Variants in MACROD2 observed in about 807,000 individuals in gnomAD.
MACROD2 encodes the protein ADP-ribose glycohydrolase MACROD2.
A neutral mutation model predicts 70.4 loss-of-function variants in MACROD2; 36 were observed. That is an observed-to-expected ratio of 0.51 (90% CI 0.39 to 0.68). The LOEUF is 0.68. Ranked by LOEUF, MACROD2 falls within the 30% of genes least tolerant of loss-of-function variation. MACROD2 has a pLI of 0.00. For synonymous variants in MACROD2, 172 were observed against 178.8 expected (o/e 0.96, Z 0.30); for missense variants, 496 against 538.4 (o/e 0.92, Z 0.78).
At chr20:15,031,420 A>G (rs952571183) in intron 5 of MACROD2, among the ~76,000 whole-genome samples, 1 of 152,168 alleles carries the variant, frequency 6.6e-6, no homozygotes, top group African/African-American at 2.4e-5. Context: ...TCTGGCATCC[A>G]GGAAGAATGA....
intron 6 of MACROD2, among the ~76,000 whole-genome samples, chr20:15,262,750 A>G (rs2077260210): frequency 6.6e-6 from 1 of 151,936 alleles, no homozygotes. Flanking sequence ...TTTAACTGGG[A>G]TAAGATAATA....
intron 8 of MACROD2, among the ~76,000 whole-genome samples, chr20:15,762,861 A>G (rs756508678): frequency 6.6e-6 from 1 of 152,202 alleles, no homozygotes; most frequent in Non-Finnish European, 1.5e-5. Context: ...TATAAGGTCT[A>G]TTTGAAAGAA....
intron 6 of MACROD2, among the ~76,000 whole-genome samples, chr20:15,266,342 C>T (rs1265308064): frequency 6.6e-6 from 1 of 152,168 alleles, no homozygotes; most frequent in Non-Finnish European, 1.5e-5. Context: ...CTATCCGTCA[C>T]TAAGATAAGC....
intron 3 of MACROD2, among the ~76,000 whole-genome samples, chr20:14,230,805 G>T (rs182309684): frequency 2.0e-5 from 3 of 149,544 alleles, no homozygotes; most frequent in Non-Finnish European, 4.4e-5. Flanking sequence ...ATTACTATCT[G>T]TGGCAGTTAT....
intron 3 of MACROD2, among the ~76,000 whole-genome samples, chr20:14,161,087 C>G (rs2055180406): frequency 6.6e-6 from 1 of 152,022 alleles, no homozygotes; most frequent in Non-Finnish European, 1.5e-5. Context: ...TGAGGACATG[C>G]AATATTTGAT....
intron 3 of MACROD2, among the ~76,000 whole-genome samples, chr20:14,281,764 G>C (rs528859690): frequency 6.6e-6 from 1 of 151,740 alleles, no homozygotes; most frequent in East Asian, 1.9e-4. Flanking sequence ...GTGAAACCCT[G>C]TCTCTCCTAA....
chr20:14,162,042 C>A (rs2055198204), intron 3 of MACROD2, among the ~76,000 whole-genome samples: 1 of 152,210 alleles, frequency 6.6e-6, no homozygotes, highest in South Asian at 2.1e-4. Flanking sequence ...CCTCTTAGCA[C>A]TGCTTTTGCT....
intron 5 of MACROD2, among the ~76,000 whole-genome samples, chr20:15,159,129 C>G (rs1297447853): frequency 6.6e-6 from 1 of 152,078 alleles, no homozygotes; most frequent in Non-Finnish European, 1.5e-5. Flanking sequence ...TATTACGTTT[C>G]AAACCCTATT....
At chr20:15,248,328 G>T (rs1452138023) in intron 6 of MACROD2, among the ~76,000 whole-genome samples, 3 of 152,072 alleles carry the variant, frequency 2.0e-5, no homozygotes, top group Non-Finnish European at 4.4e-5. Context: ...GACACTTGTG[G>T]CCATTCCTTT....
At chr20:16,032,102 G>T (rs547256289) in intron 15 of MACROD2, among the ~76,000 whole-genome samples, 2 of 152,160 alleles carry the variant, frequency 1.3e-5, no homozygotes, top group Admixed American at 1.3e-4. Context: ...TAAGGGTTAG[G>T]TTTATTGAAC....
chr20:14,575,017 CAAAAAAA>C (rs1195216470), intron 4 of MACROD2, among the ~76,000 whole-genome samples: 2 of 49,956 alleles, frequency 4.0e-5, no homozygotes, highest in African/African-American at 1.5e-4. Context: ...GACTCTGTCT[CAAAAAAA>C]AAAAAAAAAA....
chr20:15,656,662 GCT>G (rs1484610247), intron 8 of MACROD2, among the ~76,000 whole-genome samples: 1 of 152,182 alleles, frequency 6.6e-6, no homozygotes, highest in Non-Finnish European at 1.5e-5. Flanking sequence ...CCTGACCAAA[GCT>G]CTGTGTGAAA....
intron 5 of MACROD2, among the ~76,000 whole-genome samples, chr20:14,903,024 CT>C (rs907909206): frequency 1.5e-5 from 2 of 137,488 alleles, no homozygotes; most frequent in East Asian, 2.2e-4. Context: ...CTAAAGGTTT[CT>C]TTTTTTTCTT....
At chr20:14,502,050 A>C (rs1817585976) in intron 4 of MACROD2, among the ~76,000 whole-genome samples, 1 of 152,220 alleles carries the variant, frequency 6.6e-6, no homozygotes, top group Non-Finnish European at 1.5e-5. Context: ...CGATTTAAAT[A>C]TCTCTCATCC....
chr20:14,420,020 G>A (rs975067833), intron 3 of MACROD2, among the ~76,000 whole-genome samples: 4 of 151,706 alleles, frequency 2.6e-5, no homozygotes, highest in African/African-American at 7.3e-5. Context: ...GTATATCTAC[G>A]ATAATTTTCT....
At chr20:14,452,957 A>G (rs894090868) in intron 3 of MACROD2, among the ~76,000 whole-genome samples, 4 of 152,074 alleles carry the variant, frequency 2.6e-5, no homozygotes, top group Non-Finnish European at 5.9e-5. Context: ...CTCCTGCAGC[A>G]TTTGTACTGG....
chr20:14,907,206 A>T (rs1426653799), intron 5 of MACROD2, among the ~76,000 whole-genome samples: 1 of 152,190 alleles, frequency 6.6e-6, no homozygotes, highest in East Asian at 1.9e-4. Flanking sequence ...ATTTCTGCAT[A>T]ATCTGCCCCT....
chr20:15,203,539 A>G (rs2076675421), intron 5 of MACROD2, among the ~76,000 whole-genome samples: 2 of 152,122 alleles, frequency 1.3e-5, no homozygotes, highest in South Asian at 4.1e-4. Flanking sequence ...TTGGCACTTT[A>G]CATTTTTTAT....
intron 9 of MACROD2, among the ~76,000 whole-genome samples, chr20:15,868,997 G>T (rs531250197): frequency 2.0e-3 from 302 of 151,552 alleles, no homozygotes; most frequent in Non-Finnish European, 3.4e-3. Context: ...TCACCATGTT[G>T]CCCAGGTTTG....
Sources: allele counts gnomAD v4.1 joint callset (sites outside exome capture counted in the v4.1 genomes callset), GRCh38; gene constraint gnomAD v4.1.1; transcripts MANE v1.5; gene names NCBI Gene and HGNC (gene_info 2026-07-23, HGNC 2026-07-21).